Variants in PPFIA2 observed in about 807,000 individuals in gnomAD.
PPFIA2 encodes liprin-alpha-2.
PPFIA2 carries 46 observed loss-of-function variants against 175.5 expected under a neutral mutation model. That is an observed-to-expected ratio of 0.26 (90% CI 0.21 to 0.34). The LOEUF (loss-of-function observed/expected upper bound fraction) is 0.34. PPFIA2 is among the 10% of genes least tolerant of loss of function. The pLI is 1.00. For synonymous variants in PPFIA2, 568 were observed against 511.4 expected (o/e 1.11, Z -1.49); for missense variants, 1,179 against 1,506.1 (o/e 0.78, Z 3.60).
intron 16 of PPFIA2, among the ~76,000 whole-genome samples, chr12:81,355,680 A>C (rs2060759539): frequency 6.6e-6 from 1 of 152,124 alleles, no homozygotes; most frequent in African/African-American, 2.4e-5. Flanking sequence ...TTGCACTTTT[A>C]TGTTGTGAAG....
In PPFIA2 at chr12:81,496,761, A is replaced by C. The variant is rs537514458; in HGVS notation, c.304-38895T>G. Among the ~76,000 whole-genome samples the C allele has an allele frequency of 1.6e-4, 25 of 152,340 alleles. No homozygotes were observed. In the South Asian group the frequency reaches 5.0e-3, roughly 30 times the overall value. On this transcript the variant is annotated intron_variant, in intron 4 of 32. Transcript: ENST00000549396. ...ATAAAACTGAAGGAATATGCTGAGT[A>C]AATGTATAGCATGGGAGGTCAATGT...
At chr12:81,737,045 T>C (rs1296341605) in intron 3 of PPFIA2, among the ~76,000 whole-genome samples, 4 of 151,978 alleles carry the variant, frequency 2.6e-5, no homozygotes, top group African/African-American at 7.2e-5. Context: ...ACCAGCTCTA[T>C]TGATAAGAAC....
intron 4 of PPFIA2, chr12:81,546,123 CAAA>C (rs11432193): frequency 1.4e-4 from 9 of 65,796 alleles, no homozygotes; most frequent in Admixed American, 3.4e-4. Flanking sequence ...GACTGTGTCT[CAAA>C]AAAAAAAAAA....
At chr12:81,383,988 G>A in intron 9 of PPFIA2, 35 bp downstream of exon 9, 1 of 1,514,366 alleles carries the variant, frequency 6.6e-7, no homozygotes, top group Admixed American at 1.7e-5. Flanking sequence ...GCAGCATTCA[G>A]AAATCAAAGA....
At chr12:81,706,401 ATAAC>A (rs2077143911) in intron 3 of PPFIA2, among the ~76,000 whole-genome samples, 1 of 152,210 alleles carries the variant, frequency 6.6e-6, no homozygotes, top group South Asian at 2.1e-4. Flanking sequence ...AGAGAACTTC[ATAAC>A]TATCTTTACT....
intron 4 of PPFIA2, among the ~76,000 whole-genome samples, chr12:81,628,845 A>G (rs1474383126): frequency 1.3e-5 from 2 of 152,128 alleles, no homozygotes; most frequent in African/African-American, 4.8e-5. Flanking sequence ...TCCTGGTCAC[A>G]TTTGCAGGTT....
In PPFIA2 at chr12:81,447,973, T is replaced by C. The variant is rs889673761; in HGVS notation, c.406-2253A>G. On this transcript the variant is annotated intron_variant, in intron 5 of 32. Coordinates refer to ENST00000549396, the MANE Select transcript of PPFIA2 (RefSeq NM_003625.5). ...CTATCCTTCAATCTGATGACAAAAA[T>C]AATGAAACCTTTACAACACAATGAA... is the stretch of plus-strand genomic sequence containing the variant. Among the ~76,000 whole-genome samples the C allele has an allele frequency of 2.0e-5, 3 of 152,082 alleles. 1 individual carries two copies. The highest frequency in any genetic ancestry group is 7.2e-5 in the African/African-American group (3 of 41,408).
chr12:81,635,130 G>GA (rs1397143528), intron 4 of PPFIA2, among the ~76,000 whole-genome samples: 4 of 152,140 alleles, frequency 2.6e-5, no homozygotes, highest in African/African-American at 9.7e-5. Context: ...AAAATCTATT[G>GA]AAATGTCCCC....
chr12:81,536,374 C>T (rs573752333), intron 4 of PPFIA2, among the ~76,000 whole-genome samples: 1 of 151,312 alleles, frequency 6.6e-6, no homozygotes, highest in Non-Finnish European at 1.5e-5. Flanking sequence ...TGGTGCTTTA[C>T]CATAAAAATA....
chr12:81,318,763 C>T (rs544095476), intron 22 of PPFIA2, among the ~76,000 whole-genome samples: 16 of 151,560 alleles, frequency 1.1e-4, no homozygotes, highest in Non-Finnish European at 1.5e-4. Context: ...TTTGAGTTTT[C>T]GGCACTTTTC....
intron 15 of PPFIA2, among the ~76,000 whole-genome samples, chr12:81,362,034 T>TATC (rs1472691078): frequency 5.3e-5 from 8 of 151,254 alleles, no homozygotes. Flanking sequence ...TCTATCTATC[T>TATC]ATCTATCTAT....
chr12:81,423,375 A>G (rs2046716414), intron 7 of PPFIA2, among the ~76,000 whole-genome samples: 1 of 152,178 alleles, frequency 6.6e-6, no homozygotes. Context: ...AACCCAATGC[A>G]ACAGAACATT....
chr12:81,630,240 T>C (rs2063212301), intron 4 of PPFIA2, among the ~76,000 whole-genome samples: 2 of 152,172 alleles, frequency 1.3e-5, no homozygotes, highest in African/African-American at 4.8e-5. Flanking sequence ...TTATGTAGTT[T>C]TAAACTATAA....
chr12:81,727,224 C>T (rs1185330295), intron 3 of PPFIA2, among the ~76,000 whole-genome samples: 1 of 151,236 alleles, frequency 6.6e-6, no homozygotes, highest in Non-Finnish European at 1.5e-5. Flanking sequence ...CCATCACAAG[C>T]TTATTTATAT....
intron 4 of PPFIA2, among the ~76,000 whole-genome samples, chr12:81,541,919 T>C (rs1390118025): frequency 9.2e-5 from 14 of 151,982 alleles, no homozygotes; most frequent in Non-Finnish European, 2.9e-5. Context: ...CTTTGAAGAC[T>C]AGAATGATTG....
chr12:81,625,227 T>A (rs1275984426), intron 4 of PPFIA2, among the ~76,000 whole-genome samples: 5 of 151,814 alleles, frequency 3.3e-5, no homozygotes, highest in Middle Eastern at 3.2e-3. Context: ...ATGTATCTTT[T>A]CAGCTCATGA....
intron 4 of PPFIA2, among the ~76,000 whole-genome samples, chr12:81,593,157 CTATA>C (rs913529602): frequency 1.7e-4 from 26 of 152,002 alleles, no homozygotes; most frequent in African/African-American, 6.0e-4. Flanking sequence ...AAGTATGAGA[CTATA>C]TACAATAAAA....
chr12:81,519,833 C>T (rs760001315), intron 4 of PPFIA2, among the ~76,000 whole-genome samples: 13 of 152,088 alleles, frequency 8.5e-5, no homozygotes, highest in Non-Finnish European at 1.9e-4. Flanking sequence ...TTCCAAGATC[C>T]CCAGTAAATG....
intron 18 of PPFIA2, among the ~76,000 whole-genome samples, chr12:81,346,379 C>T (rs896080497): frequency 1.3e-5 from 2 of 151,802 alleles, no homozygotes; most frequent in Non-Finnish European, 2.9e-5. Context: ...TGCCCTACTA[C>T]CTCCAGTTTT....
Sources: allele counts gnomAD v4.1 joint callset (sites outside exome capture counted in the v4.1 genomes callset), GRCh38; gene constraint gnomAD v4.1.1; transcripts MANE v1.5; gene names NCBI Gene and HGNC (gene_info 2026-07-23, HGNC 2026-07-21).